Variants in FANCM observed in about 807,000 individuals in gnomAD.
The protein encoded by FANCM is FA complementation group M.
FANCM carries 140 observed loss-of-function variants against 199.5 expected under a neutral mutation model. The observed-to-expected ratio is 0.70, with a 90% CI of 0.61 to 0.81. The LOEUF (loss-of-function observed/expected upper bound fraction) is 0.81, where lower values mean the gene tolerates loss of function less well. Ranked by LOEUF, FANCM falls within the 30% of genes least tolerant of loss-of-function variation. FANCM has a pLI of 0.00. For synonymous variants in FANCM, 840 were observed against 836.8 expected, an observed-to-expected ratio of 1.00 and a Z score of -0.07; for missense variants, 2,410 against 2,421.4, an observed-to-expected ratio of 1.00 and a Z score of 0.10.
Position 45,154,753 on chromosome 14 carries a change from A to ATT in FANCM, c.1240_1241insTT (p.Asn414IlefsTer4). ...AAATGAAGACTTCATGAAACTCTATAATCATCTAGAGTGTATGTTTGCACG... is the reference window on the plus strand; with the variant it reads ...AAATGAAGACTTCATGAAACTCTATATTATCATCTAGAGTGTATGTTTGCACG... On this transcript the variant is annotated frameshift_variant, in exon 7 of 23. Transcript: ENST00000267430. LOFTEE classifies it high-confidence loss of function. 6.2e-7 allele frequency: 1 copy of ATT among 1,603,436 alleles called. No homozygotes were observed. Among genetic ancestry groups the ATT allele is most frequent in the South Asian group, 1.1e-5 (1 of 90,018 alleles).
intron 11 of FANCM, among the ~76,000 whole-genome samples, chr14:45,170,327 G>A (rs1272238639): frequency 1.3e-5 from 2 of 152,172 alleles, no homozygotes; most frequent in Non-Finnish European, 2.9e-5. Context: ...AGGAGTTTGA[G>A]ACCAACCTGG....
At position 45,175,082 on chromosome 14, in the gene FANCM, C is replaced by A. The variant is rs1181869875; in HGVS notation, c.2328C>A (p.Ser776Arg). ...EGMRHEEGEC[S>R]YELEVESYLQ... Reference sequence around the variant, plus strand: ...TTCCTTATTTATAGGGAGAATGCAGCTATGAATTGGAAGTTGAATCTTATT... The same window carrying A: ...TTCCTTATTTATAGGGAGAATGCAGATATGAATTGGAAGTTGAATCTTATT... Residue 776 changes from serine to arginine, a missense_variant, in exon 14 of 23, where the codon AGC becomes AGA. By Grantham distance (110) the Ser-to-Arg change is moderately radical. Transcript: ENST00000267430. 1 of 1,606,072 alleles carries A rather than the reference C, an allele frequency of 6.2e-7. No homozygotes were observed. Among genetic ancestry groups the A allele is most frequent in the South Asian group, 1.1e-5 (1 of 90,620 alleles).
At chr14:45,152,456 A>G (rs1202544003) in intron 5 of FANCM, among the ~76,000 whole-genome samples, 7 of 152,214 alleles carry the variant, frequency 4.6e-5, no homozygotes, top group Non-Finnish European at 7.3e-5. Context: ...CTTACTCTCA[A>G]TACCAGAGTT....
At chr14:45,172,959 G>A (rs1888433466) in intron 12 of FANCM, 96 bp from the exon 13 acceptor site, 1 of 899,262 alleles carries the variant, frequency 1.1e-6, no homozygotes, top group South Asian at 1.4e-5. Context: ...TCCAAATTAT[G>A]TTAAGCTGAT....
At chr14:45,161,722 A>G (rs1026431427) in intron 9 of FANCM, among the ~76,000 whole-genome samples, 3 of 152,054 alleles carry the variant, frequency 2.0e-5, no homozygotes, top group Non-Finnish European at 4.4e-5. Flanking sequence ...AGCTCCAGTG[A>G]GCCAAGATCA....
In FANCM at chr14:45,189,369, A is replaced by G. The variant is rs1417881451; in HGVS notation, c.5340+7A>G. ...ATTTCCAGTTCCACAGAAGGTATGG[A>G]TCAAAGAAAGGAAAAATATCTTTAG... On this transcript the variant is annotated splice_region_variant and intron_variant, in intron 20 of 22. Coordinates refer to ENST00000267430, the MANE Select transcript of FANCM (RefSeq NM_020937.4). 1.9e-6 allele frequency: 3 copies of G among 1,594,080 alleles called. No individual in the cohort carries two copies. The South Asian group carries it at 3.3e-5, about 18-fold the overall frequency.
intron 20 of FANCM, 67 bp from the exon 21 acceptor site, chr14:45,196,105 G>A: frequency 6.6e-7 from 1 of 1,526,446 alleles, no homozygotes; most frequent in Non-Finnish European, 9.1e-7. Flanking sequence ...TCAACTTCGG[G>A]TGTGAGACGT....
At position 45,176,365 on chromosome 14, in the gene FANCM, G is replaced by T. The variant is rs867324948; in HGVS notation, c.3611G>T (p.Arg1204Leu). Residue 1204 changes from arginine (R) to leucine (L), a missense_variant, in exon 14 of 23, where the codon CGT becomes CTT. Coordinates refer to ENST00000267430, the MANE Select transcript of FANCM (RefSeq NM_020937.4). ...CGTGATGCTAATAGTTTTAAATCTC[G>T]TGATCAGAGAGGTGTACAGGAAGAA... ...ITRDANSFKSRDQRGVQEEKV... is the reference protein window; with the variant it reads ...ITRDANSFKSLDQRGVQEEKV... 3.1e-6 allele frequency: 5 copies of T among 1,613,204 alleles called. No individual in the cohort carries two copies. The East Asian group carries it at 1.1e-4, about 36-fold the overall frequency.
intron 5 of FANCM, among the ~76,000 whole-genome samples, chr14:45,151,799 C>G (rs771680966): frequency 2.6e-5 from 4 of 151,524 alleles, no homozygotes; most frequent in Non-Finnish European, 5.9e-5. Flanking sequence ...TGGTATGTAC[C>G]TACTCAGGAG....
rs111690700 is a variant in FANCM at position 45,178,603 on chromosome 14, T to C, written c.4222+1627T>C. Among the ~76,000 whole-genome samples the C allele has an allele frequency of 4.3e-3, 662 of 152,186 alleles. 7 individuals are homozygous for C. The highest frequency in any genetic ancestry group is 0.015 in the African/African-American group (616 of 41,508). On this transcript the variant is annotated intron_variant, in intron 14 of 22. Transcript: ENST00000267430. The stretch of plus-strand genomic sequence containing the variant: ...GAAAAAGAAAGCCTCCTAGAATGAG[T>C]TGGTTACTATAGCCGAGTCCTGCAT...
Position 45,167,045 on chromosome 14 carries a change from G to C in FANCM, c.1884G>C (p.Met628Ile). The C allele has an allele frequency of 6.2e-7, 1 of 1,612,052 alleles. No homozygotes were observed. Among genetic ancestry groups the C allele is most frequent in the Non-Finnish European group, 8.5e-7 (1 of 1,178,128 alleles). ...ATTTTTACCAAAGAAGTCCACGAAT[G>C]GTTCCTGATGGAATCAACCCAAAAT... ...VLHFYQRSPR[M>I]VPDGINPKLH... Residue 628 changes from methionine to isoleucine, a missense_variant, in exon 11 of 23, where the codon ATG (methionine) becomes ATC (isoleucine). Coordinates refer to ENST00000267430, the MANE Select transcript of FANCM (RefSeq NM_020937.4).
At chr14:45,190,122 T>G (rs1188289698) in intron 20 of FANCM, among the ~76,000 whole-genome samples, 2 of 152,188 alleles carry the variant, frequency 1.3e-5, no homozygotes, top group Non-Finnish European at 2.9e-5. Context: ...CCTTCCAGAA[T>G]GGCTGCTAAG....
chr14:45,184,387 C>T lies in FANCM; in HGVS notation c.4515+485C>T, dbSNP rs530121632. Reference sequence around the variant, plus strand: ...ATTAAGAAACATCAAGCAGGCTGGGCGCGGTGGCTCACGCCTGTAATCCCA... The same window carrying T: ...ATTAAGAAACATCAAGCAGGCTGGGTGCGGTGGCTCACGCCTGTAATCCCA... On this transcript the variant is annotated intron_variant, in intron 17 of 22. Coordinates refer to ENST00000267430, the MANE Select transcript of FANCM (RefSeq NM_020937.4). Among the ~76,000 whole-genome samples the T allele has an allele frequency of 3.9e-5, 6 of 152,194 alleles. No homozygotes were observed. The East Asian group carries it at 5.8e-4, about 15-fold the overall frequency.
At position 45,187,798 on chromosome 14, in the gene FANCM, A is replaced by G. The variant is rs540558068; in HGVS notation, c.4690A>G (p.Ile1564Val). The G allele has an allele frequency of 8.4e-6, 13 of 1,545,358 alleles. No individual in the cohort carries two copies. Among genetic ancestry groups the G allele is most frequent in the Non-Finnish European group, 1.2e-5 (13 of 1,117,808 alleles). ...TTACACAGATTCTGAAATGAGAGCT[A>G]TTTACATGAAATCTTTGCGTAGTCC... ...QAINDSEMRA[I>V]YMKSLRSPMM... The change falls in exon 19 of 23, where the codon ATT becomes GTT. Residue 1564 changes from isoleucine to valine, a missense_variant. Physicochemically the swap from Ile to Val is conservative, Grantham distance 29. Coordinates refer to ENST00000267430, the MANE Select transcript of FANCM (RefSeq NM_020937.4).
Position 45,136,190 on chromosome 14 carries a change from C to T in FANCM, c.159C>T (p.Asp53=), listed in dbSNP as rs147559750. 7.7e-5 allele frequency: 124 copies of T among 1,614,180 alleles called. No homozygotes were observed. In the African/African-American group the frequency reaches 1.5e-3, roughly 19 times the overall value. ...PAAAEAQLES[D]DDVLLVAAYE... The stretch of plus-strand genomic sequence containing the variant: ...CAGCGGAGGCTCAGCTGGAGTCGGA[C>T]GATGATGTGTTGCTTGTCGCGGCGT... Residue 53 remains aspartate, a synonymous_variant, in exon 1 of 23, where the codon GAC becomes GAT. Transcript: ENST00000267430.
At chr14:45,156,747 G>A (rs749100559) in intron 8 of FANCM, among the ~76,000 whole-genome samples, 21 of 151,890 alleles carry the variant, frequency 1.4e-4, no homozygotes, top group Admixed American at 2.0e-4. Context: ...GTGAAACCCC[G>A]TCTCTACTAA....
intron 8 of FANCM, 144 bp from the exon 9 acceptor site, chr14:45,158,952 G>A (rs1304142763): frequency 3.3e-6 from 2 of 599,284 alleles, no homozygotes; most frequent in East Asian, 5.9e-5. Context: ...GACTATAGGT[G>A]TGTGCCACCA....
chr14:45,174,962 A>G, intron 13 of FANCM, 109 bp from the exon 14 acceptor site: 1 of 654,396 alleles, frequency 1.5e-6, no homozygotes, highest in East Asian at 2.8e-5. Flanking sequence ...TATCACTGGA[A>G]CAATGTAATA....
chr14:45,181,260 CTT>C lies in FANCM; in HGVS notation c.4223-169_4223-168del, dbSNP rs202038559. Among the ~76,000 whole-genome samples, 1,245 of 152,092 alleles carry C rather than the reference CTT, an allele frequency of 8.2e-3. 16 individuals carry two copies. The highest frequency in any genetic ancestry group is 0.028 in the African/African-American group (1,179 of 41,522). On this transcript the variant is annotated intron_variant, in intron 14 of 22. Coordinates refer to ENST00000267430, the MANE Select transcript of FANCM (RefSeq NM_020937.4). ...CACTGGCATTTTAATTTTTTTGTCT[CTT>C]GTTTAGATTTTTTGTTCAGAGTTCT...
Sources: gnomAD v4.1 joint callset for allele counts (sites outside exome capture counted in the v4.1 genomes callset) on GRCh38, gnomAD v4.1.1 for gene constraint, MANE v1.5 for transcripts, NCBI Gene and HGNC (gene_info 2026-07-23, HGNC 2026-07-21) for gene names.